CCNY: variants seen among roughly 807,000 people sequenced by gnomAD.
CCNY encodes cyclin-Y.
A neutral mutation model predicts 42.8 loss-of-function variants in CCNY; 19 were observed. That is an observed-to-expected ratio of 0.44 (90% CI 0.31 to 0.65). The LOEUF (loss-of-function observed/expected upper bound fraction) is 0.65. CCNY is among the 30% of genes least tolerant of loss of function. The pLI is 0.07. For missense variants in CCNY, 370 were observed against 437.3 expected (o/e 0.85, Z 1.37); for synonymous variants, 165 against 162.7 (o/e 1.01, Z -0.11).
At chr10:35,280,412 A>AGAAAGGAAGGAG (rs1835286837) in intron 3 of CCNY, among the ~76,000 whole-genome samples, 1 of 151,306 alleles carries the variant, frequency 6.6e-6, no homozygotes, top group Admixed American at 6.6e-5. Flanking sequence ...GAAGGAAGGA[A>AGAAAGGAAGGAG]GAAAGGAAGG....
intron 3 of CCNY, among the ~76,000 whole-genome samples, chr10:35,278,295 C>G (rs1378971486): frequency 6.6e-6 from 1 of 152,032 alleles, no homozygotes. Context: ...GTGGGCCTGA[C>G]AAGGGAGAGG....
chr10:35,270,728 CTTTTTTTT>C (rs11411285), intron 3 of CCNY, among the ~76,000 whole-genome samples: 1 of 124,734 alleles, frequency 8.0e-6, no homozygotes, highest in African/African-American at 3.1e-5. Flanking sequence ...TTTTTTTTTT[CTTTTTTTT>C]TTTTTTTGAG....
At chr10:35,356,801 A>T (rs765391010) in intron 1 of CCNY, among the ~76,000 whole-genome samples, 1 of 151,944 alleles carries the variant, frequency 6.6e-6, no homozygotes, top group Non-Finnish European at 1.5e-5. Flanking sequence ...ATTCTTTCTT[A>T]TAATCCTCTC....
At chr10:35,385,103 C>G (rs991626382) in intron 1 of CCNY, among the ~76,000 whole-genome samples, 2 of 152,134 alleles carry the variant, frequency 1.3e-5, no homozygotes, top group African/African-American at 4.8e-5. Flanking sequence ...AAGATAGTAG[C>G]AGAGATCCAG....
intron 1 of CCNY, among the ~76,000 whole-genome samples, chr10:35,407,527 C>T (rs949468521): frequency 2.6e-5 from 4 of 152,150 alleles, no homozygotes; most frequent in South Asian, 2.1e-4. Flanking sequence ...GCCCATTTTA[C>T]GACAAGAATT....
chr10:35,511,798 G>C (rs1217208011), intron 3 of CCNY, among the ~76,000 whole-genome samples: 1 of 152,190 alleles, frequency 6.6e-6, no homozygotes, highest in Admixed American at 6.5e-5. Context: ...TTTCATCTTT[G>C]AATTATGTCC....
intron 1 of CCNY, among the ~76,000 whole-genome samples, chr10:35,366,170 G>T (rs1308764582): frequency 1.3e-5 from 2 of 152,220 alleles, no homozygotes; most frequent in African/African-American, 4.8e-5. Context: ...TGAGGTGATT[G>T]GCTTTCTAAA....
intron 3 of CCNY, among the ~76,000 whole-genome samples, chr10:35,254,723 G>A (rs369516857): frequency 3.3e-5 from 5 of 151,600 alleles, no homozygotes; most frequent in East Asian, 3.9e-4. Context: ...AGCTACTCGG[G>A]AGGTTGATGT....
chr10:35,353,481 A>T (rs144484645), intron 1 of CCNY, among the ~76,000 whole-genome samples: 1 of 152,228 alleles, frequency 6.6e-6, no homozygotes, highest in African/African-American at 2.4e-5. Flanking sequence ...TTTGTTGAGT[A>T]TGAGAAGAAG....
chr10:35,317,178 A>G (rs1835770697), intron 3 of CCNY, among the ~76,000 whole-genome samples: 1 of 151,884 alleles, frequency 6.6e-6, no homozygotes, highest in African/African-American at 2.4e-5. Context: ...TTTTATAGAG[A>G]TAGGGTCTCC....
chr10:35,445,361 CAG>C (rs1838768843), intron 1 of CCNY, among the ~76,000 whole-genome samples: 1 of 152,180 alleles, frequency 6.6e-6, no homozygotes, highest in African/African-American at 2.4e-5. Context: ...GTGGGATCCT[CAG>C]AATCTTCTCA....
chr10:35,541,381 G>C (rs1840997124), intron 7 of CCNY, among the ~76,000 whole-genome samples: 1 of 152,048 alleles, frequency 6.6e-6, no homozygotes, highest in African/African-American at 2.4e-5. Flanking sequence ...TACACTTAAT[G>C]AACTGATACT....
chr10:35,302,457 T>A (rs921196015), intron 3 of CCNY, among the ~76,000 whole-genome samples: 3 of 151,292 alleles, frequency 2.0e-5, no homozygotes, highest in Non-Finnish European at 4.4e-5. Context: ...ACTGCAGGCA[T>A]GCACCACCAT....
intron 1 of CCNY, among the ~76,000 whole-genome samples, chr10:35,462,926 T>C (rs1034772389): frequency 1.3e-5 from 2 of 152,234 alleles, no homozygotes; most frequent in Non-Finnish European, 2.9e-5. Flanking sequence ...GTGTATCAGC[T>C]ACGTTAGGCC....
intron 1 of CCNY, among the ~76,000 whole-genome samples, chr10:35,379,659 T>A (rs11010185): frequency 0.018 from 2,694 of 152,340 alleles, 55 homozygotes; most frequent in African/African-American, 0.046. Flanking sequence ...TGATTTAGAA[T>A]GTTGGCCTAT....
At chr10:35,475,629 C>T (rs1165838442) in intron 1 of CCNY, among the ~76,000 whole-genome samples, 1 of 148,370 alleles carries the variant, frequency 6.7e-6, no homozygotes, top group Non-Finnish European at 1.5e-5. Flanking sequence ...AAAAGAGCTC[C>T]TGAAGGAAGC....
intron 3 of CCNY, among the ~76,000 whole-genome samples, chr10:35,503,907 C>T (rs1347570836): frequency 1.3e-5 from 2 of 152,174 alleles, no homozygotes; most frequent in African/African-American, 2.4e-5. Flanking sequence ...CTTATCTGAA[C>T]TTAGAGATAA....
chr10:35,511,337 A>G (rs757518500), intron 3 of CCNY, among the ~76,000 whole-genome samples: 1 of 152,104 alleles, frequency 6.6e-6, no homozygotes, highest in African/African-American at 2.4e-5. Flanking sequence ...AGAAATGACA[A>G]TGGAGAGTGA....
intron 2 of CCNY, among the ~76,000 whole-genome samples, chr10:35,496,113 C>T (rs774521246): frequency 6.6e-6 from 1 of 152,248 alleles, no homozygotes; most frequent in Non-Finnish European, 1.5e-5. Flanking sequence ...CAATCAGCTT[C>T]GTATATCCAA....
Sources: gnomAD v4.1 joint callset for allele counts (sites outside exome capture counted in the v4.1 genomes callset) on GRCh38, gnomAD v4.1.1 for gene constraint, MANE v1.5 for transcripts, NCBI Gene and HGNC (gene_info 2026-07-23, HGNC 2026-07-21) for gene names.